The following SRL variants were observed in gnomAD, a reference collection of about 807,000 sequenced individuals.
SRL encodes the protein sarcalumenin.
SRL carries 23 observed loss-of-function variants against 39.5 expected under a neutral mutation model. That is an observed-to-expected ratio of 0.58 (90% CI 0.42 to 0.82). SRL has a LOEUF of 0.82. Ranked by LOEUF, SRL falls within the 40% of genes least tolerant of loss-of-function variation. The probability of loss-of-function intolerance (pLI) is 0.00; values close to 1 mark genes in which losing one functional copy is unlikely to be tolerated. For missense variants in SRL, 592 were observed against 607.8 expected, an observed-to-expected ratio of 0.97 and a Z score of 0.27; for synonymous variants, 272 against 237.4, an observed-to-expected ratio of 1.15 and a Z score of -1.34.
chr16:4,217,100 C>G (rs1597284665), intron 1 of SRL, among the ~76,000 whole-genome samples: 1 of 152,168 alleles, frequency 6.6e-6, no homozygotes, highest in African/African-American at 2.4e-5. Flanking sequence ...AACGTGGGAG[C>G]TTGGGAAATG....
intron 3 of SRL, among the ~76,000 whole-genome samples, chr16:4,201,598 C>A (rs1248419883): frequency 1.5e-5 from 2 of 133,848 alleles, no homozygotes; most frequent in East Asian, 3.9e-4. Context: ...TTTAAAAGTG[C>A]TATGAGCCAT....
intron 1 of SRL, among the ~76,000 whole-genome samples, chr16:4,228,464 A>C (rs151014654): frequency 6.6e-6 from 1 of 152,048 alleles, no homozygotes; most frequent in African/African-American, 2.4e-5. Flanking sequence ...GGCTGGACGC[A>C]GTGGCTCACA....
chr16:4,224,369 G>C (rs1442077707), intron 1 of SRL, among the ~76,000 whole-genome samples: 1 of 152,066 alleles, frequency 6.6e-6, no homozygotes, highest in African/African-American at 2.4e-5. Flanking sequence ...GAGGAATTCT[G>C]AAAGCTGGAG....
chr16:4,216,260 T>C (rs2052458755), intron 1 of SRL, among the ~76,000 whole-genome samples: 1 of 152,082 alleles, frequency 6.6e-6, no homozygotes, highest in African/African-American at 2.4e-5. Context: ...TTTTATTTTA[T>C]TTTATTTTTA....
chr16:4,209,843 C>A (rs2052371103), intron 1 of SRL, among the ~76,000 whole-genome samples: 1 of 152,168 alleles, frequency 6.6e-6, no homozygotes, highest in Non-Finnish European at 1.5e-5. Context: ...CTTTGCCCTG[C>A]CCTAGATACA....
intron 1 of SRL, among the ~76,000 whole-genome samples, chr16:4,206,322 C>T (rs1047168741): frequency 6.6e-6 from 1 of 152,206 alleles, no homozygotes; most frequent in Non-Finnish European, 1.5e-5. Context: ...AGACCCCAGT[C>T]CTAGCCCACT....
intron 1 of SRL, among the ~76,000 whole-genome samples, chr16:4,212,960 G>A (rs1259382929): frequency 2.0e-5 from 3 of 152,214 alleles, no homozygotes; most frequent in Non-Finnish European, 4.4e-5. Context: ...GGACTCAGAG[G>A]ACTATGGAGT....
chr16:4,239,594 G>C (rs2141074777), intron 1 of SRL: 1 of 152,406 alleles, frequency 6.6e-6, no homozygotes, highest in Non-Finnish European at 1.5e-5. Context: ...CCCCAGGACG[G>C]TCTTATCCAC....
intron 1 of SRL, among the ~76,000 whole-genome samples, chr16:4,236,993 G>T (rs1019084855): frequency 6.7e-6 from 1 of 150,300 alleles, no homozygotes; most frequent in African/African-American, 2.5e-5. Flanking sequence ...CGAGGTTGGG[G>T]TACAATAGTG....
intron 1 of SRL, among the ~76,000 whole-genome samples, chr16:4,227,052 A>ATGGATGGATGGG (rs1555456736): frequency 9.3e-5 from 8 of 86,018 alleles, no homozygotes; most frequent in Admixed American, 5.5e-4. Context: ...GGATGGATGA[A>ATGGATGGATGGG]TGGATGGATG....
chr16:4,230,392 T>C (rs1266751874), intron 1 of SRL, among the ~76,000 whole-genome samples: 3 of 151,656 alleles, frequency 2.0e-5, no homozygotes, highest in Non-Finnish European at 2.9e-5. Flanking sequence ...TTTTTTTTTT[T>C]TTTTTTGAGA....
chr16:4,237,612 C>A lies in SRL; in HGVS notation c.61+4395G>T, dbSNP rs147148456. On this transcript the variant is annotated intron_variant, in intron 1 of 5. Transcript: ENST00000399609. ...CAAGGCCCTTCACACTTCAGCCCCA[C>A]CCCTGCCTTCCGAACACGTCCCGCC... Among the ~76,000 whole-genome samples, 609 of 152,250 alleles carry A rather than the reference C, an allele frequency of 4.0e-3. 5 individuals carry two copies. The highest frequency in any genetic ancestry group is 0.014 in the African/African-American group (585 of 41,544).
At position 4,198,046 on chromosome 16, in the gene SRL, T is replaced by TA. The variant is rs533549429; in HGVS notation, c.260-132dup. ...GAATTCTCCATGAATCAGACGTGTG[T>TA]AGCCCCCAGTGGCGCTTCTCTTGCT... is the stretch of plus-strand genomic sequence containing the variant. On this transcript the variant is annotated intron_variant, in intron 3 of 5. Transcript: ENST00000399609. 2.7e-3 allele frequency: 1,836 copies of TA among 678,240 alleles called. 53 individuals are homozygous for TA. In the South Asian group the frequency reaches 0.029, roughly 11 times the overall value. The allele number at this position is 678,240 out of a possible 1,614,324, so 42.0% of individuals were successfully genotyped here.
At position 4,237,523 on chromosome 16, in the gene SRL, C is replaced by T. The variant is rs113343862; in HGVS notation, c.61+4484G>A. On this transcript the variant is annotated intron_variant, in intron 1 of 5. Coordinates refer to ENST00000399609, the MANE Select transcript of SRL (RefSeq NM_001098814.2). ...ACTCTTCCTACAAACAACTGCCAGACGGATCTTCCCTGAGCCCTTGGTAGT... is the reference window on the plus strand; with the variant it reads ...ACTCTTCCTACAAACAACTGCCAGATGGATCTTCCCTGAGCCCTTGGTAGT... Among the ~76,000 whole-genome samples the T allele has an allele frequency of 4.0e-3, 614 of 152,292 alleles. 5 individuals carry two copies. Among genetic ancestry groups the T allele is most frequent in the African/African-American group, 0.014 (585 of 41,566 alleles).
At position 4,195,709 on chromosome 16, in the gene SRL, C is replaced by A; in HGVS notation, c.454G>T (p.Ala152Ser). 2 of 1,614,088 alleles carry A rather than the reference C, an allele frequency of 1.2e-6. No individual in the cohort carries two copies. Among genetic ancestry groups the A allele is most frequent in the South Asian group, 2.2e-5 (2 of 91,078 alleles). The change falls in exon 5 of 6, where the codon GCT becomes TCT. Residue 152 changes from alanine to serine, a missense_variant. Physicochemically the swap from Ala to Ser is moderately conservative, Grantham distance 99. Transcript: ENST00000399609. ...KLKTIEGIVMAADSARSFSPL... is the reference protein window; with the variant it reads ...KLKTIEGIVMSADSARSFSPL... ...GAGAAGGAACGGGCGCTGTCAGCAG[C>A]CATGACGATGCCCTCGATGGTTTTC...
At chr16:4,234,242 C>T (rs1267292356) in intron 1 of SRL, among the ~76,000 whole-genome samples, 2 of 152,204 alleles carry the variant, frequency 1.3e-5, no homozygotes, top group Non-Finnish European at 2.9e-5. Flanking sequence ...AATCCTGCCG[C>T]CTTAGCCTCC....
intron 1 of SRL, among the ~76,000 whole-genome samples, chr16:4,214,159 A>C (rs11645772): frequency 0.041 from 6,187 of 152,268 alleles, 187 homozygotes; most frequent in Middle Eastern, 0.088. Flanking sequence ...AGATGGAGAG[A>C]ATAGAGGTCA....
At chr16:4,208,110 T>C (rs1175162380) in intron 1 of SRL, 1 of 443,790 alleles carries the variant, frequency 2.3e-6, no homozygotes, top group East Asian at 7.0e-5. Context: ...CAGTTCTAAA[T>C]GATTAGAACA....
At chr16:4,226,776 G>C (rs537206905) in intron 1 of SRL, among the ~76,000 whole-genome samples, 1 of 151,618 alleles carries the variant, frequency 6.6e-6, no homozygotes, top group African/African-American at 2.4e-5. Flanking sequence ...ATGAATGATA[G>C]ATGAATGGGT....
Sources: allele counts gnomAD v4.1 joint callset (sites outside exome capture counted in the v4.1 genomes callset), GRCh38; gene constraint gnomAD v4.1.1; transcripts MANE v1.5; gene names NCBI Gene and HGNC (gene_info 2026-07-23, HGNC 2026-07-21).